XRN1: variants seen among roughly 807,000 people sequenced by gnomAD.
XRN1 encodes the protein strand-exchange protein 1 homolog.
A neutral mutation model predicts 222.3 loss-of-function variants in XRN1; 67 were observed. That is an observed-to-expected ratio of 0.30 (90% confidence interval 0.25 to 0.37). The LOEUF (loss-of-function observed/expected upper bound fraction) is 0.37. Ranked by LOEUF, XRN1 falls within the 10% of genes least tolerant of loss-of-function variation. The pLI is 1.00. For synonymous variants in XRN1, 643 were observed against 652.4 expected (o/e 0.99, Z 0.22); for missense variants, 1,707 against 2,000.2 (o/e 0.85, Z 2.80).
chr3:142,370,390 G>A, intron 27 of XRN1, 95 bp downstream of exon 27: 2 of 1,402,364 alleles, frequency 1.4e-6, no homozygotes, highest in East Asian at 2.5e-5. Flanking sequence ...CTAAGTATAT[G>A]TTTTATTTGG....
At chr3:142,386,414 T>A (rs2067502157) in intron 20 of XRN1, among the ~76,000 whole-genome samples, 1 of 152,042 alleles carries the variant, frequency 6.6e-6, no homozygotes, top group Non-Finnish European at 1.5e-5. Context: ...ATTAACAGGA[T>A]AAAAATAATA....
At position 142,307,070 on chromosome 3, in the gene XRN1, CAAAG is replaced by C. The variant is rs1414495977; in HGVS notation, c.*4437_*4440del. 1 of 152,358 alleles carries C rather than the reference CAAAG, an allele frequency of 6.6e-6. No individual in the cohort carries two copies. Among genetic ancestry groups the C allele is most frequent in the African/African-American group, 2.4e-5 (1 of 41,378 alleles). The allele number at this position is 152,358 out of a possible 1,614,324, so 9.4% of individuals were successfully genotyped here. ...TCACATTAAACTAGATGAAAATACT[CAAAG>C]AAGCAGTTGGATACAGGCAAAAGAA... On this transcript the variant is annotated 3_prime_UTR_variant, in exon 41 of 41. Coordinates refer to ENST00000392981, the MANE Select transcript of XRN1 (RefSeq NM_001282857.2).
At chr3:142,444,759 T>C (rs1461552514) in intron 1 of XRN1, among the ~76,000 whole-genome samples, 1 of 152,180 alleles carries the variant, frequency 6.6e-6, no homozygotes, top group Non-Finnish European at 1.5e-5. Context: ...TACTCCATTC[T>C]CCATGATATG....
intron 37 of XRN1, among the ~76,000 whole-genome samples, chr3:142,326,061 T>C (rs1259248732): frequency 6.6e-6 from 1 of 152,006 alleles, no homozygotes; most frequent in African/African-American, 2.4e-5. Context: ...GTTTTGGTTA[T>C]GTAACTTTGC....
chr3:142,403,537 G>A (rs2068224816), intron 18 of XRN1, 137 bp downstream of exon 18: 2 of 691,776 alleles, frequency 2.9e-6, no homozygotes, highest in Non-Finnish European at 4.9e-6. Flanking sequence ...TTGTATGAAT[G>A]TTTCTTTGCT....
chr3:142,417,734 C>T (rs1316436749), intron 12 of XRN1: 3 of 152,194 alleles, frequency 2.0e-5, no homozygotes, highest in African/African-American at 7.2e-5. Context: ...AACCAAATGC[C>T]ATCTTCTAAG....
In XRN1 at chr3:142,318,776, T is replaced by C. The variant is rs777253737; in HGVS notation, c.4518+14A>G. 1.1e-5 allele frequency: 17 copies of C among 1,612,610 alleles called. No individual in the cohort carries two copies. In the South Asian group the frequency reaches 1.1e-4, roughly 10 times the overall value. On this transcript the variant is annotated intron_variant, in intron 38 of 40. Transcript: ENST00000392981. ...AATAAAAATTTTAATAGAGAAGTCATGGACAGTTCTTACCAACTGTTGTAA... is the reference window on the plus strand; with the variant it reads ...AATAAAAATTTTAATAGAGAAGTCACGGACAGTTCTTACCAACTGTTGTAA...
chr3:142,327,773 C>T (rs1486829939), intron 37 of XRN1, among the ~76,000 whole-genome samples: 1 of 152,066 alleles, frequency 6.6e-6, no homozygotes, highest in African/African-American at 2.4e-5. Context: ...TATTCATCAC[C>T]TGAATTATGT....
chr3:142,343,898 C>CGG (rs1249866052), intron 33 of XRN1, among the ~76,000 whole-genome samples: 1 of 151,938 alleles, frequency 6.6e-6, no homozygotes, highest in African/African-American at 2.4e-5. Flanking sequence ...GAGTACTATT[C>CGG]GGCCATAAAA....
At chr3:142,315,374 G>GCAT (rs957471483) in intron 39 of XRN1, among the ~76,000 whole-genome samples, 8 of 151,998 alleles carry the variant, frequency 5.3e-5, no homozygotes, top group African/African-American at 1.9e-4. Context: ...GGGATTACAA[G>GCAT]CATGAGTCAA....
chr3:142,394,589 T>G (rs2067859639), intron 20 of XRN1, among the ~76,000 whole-genome samples: 1 of 152,224 alleles, frequency 6.6e-6, no homozygotes, highest in African/African-American at 2.4e-5. Context: ...TGAGAGCTCC[T>G]CAGCTTTCCC....
intron 13 of XRN1, among the ~76,000 whole-genome samples, chr3:142,415,348 T>G (rs1249080720): frequency 6.6e-6 from 1 of 152,000 alleles, no homozygotes; most frequent in African/African-American, 2.4e-5. Context: ...AATGGAGGAG[T>G]TTAGGAGGCC....
chr3:142,412,535 T>A lies in XRN1; in HGVS notation c.1713+9A>T. The A allele has an allele frequency of 6.3e-7, 1 of 1,583,448 alleles. No individual in the cohort carries two copies. The highest frequency in any genetic ancestry group is 8.6e-7 in the Non-Finnish European group (1 of 1,160,778). On this transcript the variant is annotated intron_variant, in intron 15 of 40. Coordinates refer to ENST00000392981, the MANE Select transcript of XRN1 (RefSeq NM_001282857.2). ...GTATGTGTATGTAATGATTATTTCA[T>A]GCACTGACCTCATCAATAAAAGGGA...
chr3:142,370,079 G>C (rs2107884877), intron 27 of XRN1, among the ~76,000 whole-genome samples: 1 of 149,770 alleles, frequency 6.7e-6, no homozygotes, highest in Middle Eastern at 3.4e-3. Flanking sequence ...AATGTAGTTA[G>C]AACAGGAAGA....
chr3:142,444,908 T>G (rs902422302), intron 1 of XRN1, among the ~76,000 whole-genome samples: 38 of 152,346 alleles, frequency 2.5e-4, no homozygotes, highest in African/African-American at 8.7e-4. Flanking sequence ...TACAACATAC[T>G]AATATACCAT....
At chr3:142,325,155 T>G (rs1272128835) in intron 37 of XRN1, among the ~76,000 whole-genome samples, 3 of 152,222 alleles carry the variant, frequency 2.0e-5, no homozygotes, top group African/African-American at 7.2e-5. Context: ...ATGTCCTTCA[T>G]AGTGGCTGTA....
chr3:142,357,881 CA>C (rs1228577864), intron 30 of XRN1, among the ~76,000 whole-genome samples: 1 of 151,832 alleles, frequency 6.6e-6, no homozygotes, highest in African/African-American at 2.4e-5. Flanking sequence ...ATTAAAAATA[CA>C]AAAAAATTAG....
intron 32 of XRN1, among the ~76,000 whole-genome samples, chr3:142,352,583 G>A (rs1216344933): frequency 6.6e-6 from 1 of 151,930 alleles, no homozygotes; most frequent in Non-Finnish European, 1.5e-5. Flanking sequence ...ATTACTGCAG[G>A]ACATTAGAAT....
chr3:142,439,330 C>T (rs931383803), intron 1 of XRN1, among the ~76,000 whole-genome samples: 1 of 152,164 alleles, frequency 6.6e-6, no homozygotes, highest in African/African-American at 2.4e-5. Context: ...GAGAACGATT[C>T]CCCACAGGCC....
Sources: allele counts gnomAD v4.1 joint callset (sites outside exome capture counted in the v4.1 genomes callset), GRCh38; gene constraint gnomAD v4.1.1; transcripts MANE v1.5; gene names NCBI Gene and HGNC (gene_info 2026-07-23, HGNC 2026-07-21).